Variants in USP43 observed in about 807,000 individuals in gnomAD.
USP43 encodes the protein ubiquitin specific peptidase 43, also known as ubiquitin carboxyl-terminal hydrolase 43.
A neutral mutation model predicts 90.7 loss-of-function variants in USP43; 33 were observed. The ratio of observed to expected loss-of-function variants is 0.36; its 90% CI spans 0.28 to 0.49. The LOEUF (loss-of-function observed/expected upper bound fraction) is 0.49. Among genes scored for constraint, USP43 ranks in the 20% least tolerant of loss-of-function variants. USP43 has a pLI of 0.98. For synonymous variants in USP43, 598 were observed against 615.8 expected, an observed-to-expected ratio of 0.97 and a Z score of 0.43; for missense variants, 1,274 against 1,476.4, an observed-to-expected ratio of 0.86 and a Z score of 2.25.
intron 2 of USP43, among the ~76,000 whole-genome samples, chr17:9,659,221 G>A (rs997536189): frequency 3.9e-5 from 6 of 152,098 alleles, no homozygotes; most frequent in Admixed American, 1.3e-4. Flanking sequence ...ACTGTTTGTC[G>A]AATGTTTGTT....
In USP43 at chr17:9,669,050, T is replaced by G. The variant is rs561284198; in HGVS notation, c.740+2299T>G. On this transcript the variant is annotated intron_variant, in intron 3 of 14. Transcript: ENST00000285199. ...TAGTAGAGATGGGGTTTTACCATGT[T>G]GGTCAGGCTGGTCTCGAACTCCTGA... 3.9e-5 allele frequency among the ~76,000 whole-genome samples: 6 copies of G among 152,152 alleles called. No individual in the cohort carries two copies. In the South Asian group the frequency reaches 1.2e-3, roughly 32 times the overall value.
chr17:9,650,655 G>A (rs553736801), intron 1 of USP43, among the ~76,000 whole-genome samples: 37 of 152,026 alleles, frequency 2.4e-4, no homozygotes, highest in African/African-American at 8.0e-4. Context: ...CACCTGCCTC[G>A]GCCTCTCATT....
chr17:9,704,419 C>G (rs905743485), intron 12 of USP43, among the ~76,000 whole-genome samples: 8 of 152,158 alleles, frequency 5.3e-5, no homozygotes, highest in African/African-American at 1.9e-4. Flanking sequence ...TCTCCTGCCC[C>G]AGCCTCCTGA....
intron 14 of USP43, among the ~76,000 whole-genome samples, chr17:9,719,696 G>A (rs1171584983): frequency 6.6e-6 from 1 of 152,182 alleles, no homozygotes; most frequent in African/African-American, 2.4e-5. Context: ...GCTTCCTAAG[G>A]GAGCTTTCCC....
intron 8 of USP43, among the ~76,000 whole-genome samples, chr17:9,690,610 C>G (rs1914881711): frequency 6.6e-6 from 1 of 152,102 alleles, no homozygotes; most frequent in Non-Finnish European, 1.5e-5. Context: ...TGTTGCCAGA[C>G]GTGGTGGCTC....
chr17:9,645,669 C>A lies in USP43; in HGVS notation c.37C>A (p.Pro13Thr). ...CCCCGGGGACGCGGCAGGAGGGGGA[C>A]CGCTCGCGCCCCGGCCCCGCCGCCG... ...LGPGDAAGGGPLAPRPRRRRS... is the reference protein window; with the variant it reads ...LGPGDAAGGGTLAPRPRRRRS... Residue 13 changes from proline to threonine, a missense_variant, in exon 1 of 15, where the codon CCG (proline) becomes ACG (threonine). Physicochemically the swap from Pro to Thr is conservative, Grantham distance 38 (BLOSUM62 -1). Coordinates refer to ENST00000285199, the MANE Select transcript of USP43 (RefSeq NM_153210.5). The surrounding 1 kb of genome is among the most constrained non-coding windows in gnomAD (Gnocchi z 6.8). The A allele has an allele frequency of 7.9e-6, 10 of 1,272,646 alleles. No homozygotes were observed. The highest frequency in any genetic ancestry group is 9.8e-6 in the Non-Finnish European group (10 of 1,015,386). 78.8% of individuals were successfully genotyped at this position (1,272,646 alleles called of 1,614,324 possible). A position where few individuals can be genotyped will look rare whatever the true frequency, so the allele number is the denominator to read the frequency against.
intron 3 of USP43, among the ~76,000 whole-genome samples, chr17:9,671,619 C>T (rs755897608): frequency 2.4e-4 from 37 of 152,112 alleles, no homozygotes; most frequent in Admixed American, 3.9e-4. Context: ...ATAGCACTGA[C>T]GGGATTAGCT....
At chr17:9,699,393 A>G (rs1327911193) in intron 9 of USP43, among the ~76,000 whole-genome samples, 1 of 152,234 alleles carries the variant, frequency 6.6e-6, no homozygotes, top group East Asian at 1.9e-4. Context: ...ACTCCAGCTC[A>G]GACCTGTCCA....
chr17:9,691,319 T>A (rs184085307), intron 8 of USP43, among the ~76,000 whole-genome samples: 6,499 of 152,032 alleles, frequency 0.043, 445 homozygotes, highest in African/African-American at 0.15. Context: ...AGCTTCTCCA[T>A]GTTGGTCAGG....
At chr17:9,708,558 G>A (rs1916014218) in intron 12 of USP43, among the ~76,000 whole-genome samples, 1 of 152,212 alleles carries the variant, frequency 6.6e-6, no homozygotes, top group African/African-American at 2.4e-5. Context: ...CTAGGTGGCT[G>A]GCTTGGATTA....
intron 2 of USP43, among the ~76,000 whole-genome samples, chr17:9,662,952 G>A (rs1362808258): frequency 2.0e-5 from 3 of 151,620 alleles, no homozygotes. Flanking sequence ...TGAGTAGCTG[G>A]GATTACAGGT....
At chr17:9,683,426 C>A (rs1914419377) in intron 7 of USP43, among the ~76,000 whole-genome samples, 1 of 151,114 alleles carries the variant, frequency 6.6e-6, no homozygotes, top group African/African-American at 2.5e-5. Flanking sequence ...GACAGAATTA[C>A]ATTAAGATAT....
intron 1 of USP43, among the ~76,000 whole-genome samples, chr17:9,648,049 A>C (rs1446090528): frequency 2.0e-5 from 3 of 151,688 alleles, no homozygotes; most frequent in Non-Finnish European, 4.4e-5. Flanking sequence ...AAAACAAAAA[A>C]CTCCGAAATT....
At chr17:9,673,652 C>T (rs939052997) in intron 3 of USP43, among the ~76,000 whole-genome samples, 5 of 152,302 alleles carry the variant, frequency 3.3e-5, no homozygotes, top group South Asian at 2.1e-4. Context: ...CCGACTTCTA[C>T]GAAAGAACGC....
Position 9,709,195 on chromosome 17 carries a change from G to T in USP43, c.2012-761G>T, listed in dbSNP as rs1167544389. Among the ~76,000 whole-genome samples the T allele has an allele frequency of 6.6e-6, 1 of 152,158 alleles. No homozygotes were observed. Among genetic ancestry groups the T allele is most frequent in the East Asian group, 1.9e-4 (1 of 5,194 alleles). On this transcript the variant is annotated intron_variant, in intron 12 of 14. Coordinates refer to ENST00000285199, the MANE Select transcript of USP43 (RefSeq NM_153210.5). The surrounding 1 kb of genome is among the most constrained non-coding windows in gnomAD (Gnocchi z 5.0). The stretch of plus-strand genomic sequence containing the variant: ...CTTGAGAAATGGTGAGAATATTTAT[G>T]AATTTTCCTTAGACGTTTGACTTCA...
At chr17:9,685,852 T>C (rs988093274) in intron 7 of USP43, among the ~76,000 whole-genome samples, 1 of 152,218 alleles carries the variant, frequency 6.6e-6, no homozygotes, top group African/African-American at 2.4e-5. Flanking sequence ...ATTGAAAGCA[T>C]ACAATAAATT....
intron 9 of USP43, 125 bp downstream of exon 9, chr17:9,693,355 G>A: frequency 1.3e-6 from 1 of 778,850 alleles, no homozygotes; most frequent in Non-Finnish European, 2.1e-6. Flanking sequence ...TACCTCTCCA[G>A]TACCAGCCGC....
intron 7 of USP43, among the ~76,000 whole-genome samples, chr17:9,685,828 C>T (rs1357538957): frequency 6.6e-6 from 1 of 152,128 alleles, no homozygotes; most frequent in Non-Finnish European, 1.5e-5. Context: ...GATTCAAAAT[C>T]CTATCCTCTA....
intron 2 of USP43, 111 bp from the exon 3 acceptor site, chr17:9,666,537 C>A: frequency 1.2e-6 from 1 of 822,410 alleles, no homozygotes; most frequent in East Asian, 2.7e-5. Flanking sequence ...TCTACAGAGG[C>A]CCAGAAAGGG....
Sources: allele counts gnomAD v4.1 joint callset (sites outside exome capture counted in the v4.1 genomes callset), GRCh38; gene constraint gnomAD v4.1.1; non-coding constraint Gnocchi (gnomAD v3.1); transcripts MANE v1.5; gene names NCBI Gene and HGNC (gene_info 2026-07-23, HGNC 2026-07-21).